KCNH5: variants seen among roughly 807,000 people sequenced by gnomAD.
The protein encoded by KCNH5 is potassium voltage-gated channel subfamily H member 5, also known as voltage-gated delayed rectifier potassium channel KCNH5.
Under a neutral mutation model 96.1 loss-of-function variants are expected in KCNH5, and 46 were observed. That is an observed-to-expected ratio of 0.48 (90% CI 0.38 to 0.61). The LOEUF is 0.61. Ranked by LOEUF, KCNH5 falls within the 20% of genes least tolerant of loss-of-function variation. The probability of loss-of-function intolerance (pLI) is 0.00; values close to 1 mark genes in which losing one functional copy is unlikely to be tolerated. For synonymous variants in KCNH5, 439 were observed against 449.8 expected, an observed-to-expected ratio of 0.98 and a Z score of 0.30; for missense variants, 907 against 1,225.8, an observed-to-expected ratio of 0.74 and a Z score of 3.88.
intron 5 of KCNH5, among the ~76,000 whole-genome samples, chr14:62,981,591 G>A (rs1350075324): frequency 6.6e-6 from 1 of 152,226 alleles, no homozygotes; most frequent in African/African-American, 2.4e-5. Context: ...CTCATGGACT[G>A]TCCAGCAGTT....
intron 7 of KCNH5, among the ~76,000 whole-genome samples, chr14:62,923,599 T>C (rs1195268865): frequency 6.6e-6 from 1 of 152,072 alleles, no homozygotes; most frequent in South Asian, 2.1e-4. Context: ...CAGAATAGTA[T>C]GGTACTGGCA....
intron 7 of KCNH5, among the ~76,000 whole-genome samples, chr14:62,926,943 C>G (rs1889487957): frequency 1.3e-5 from 2 of 152,056 alleles, no homozygotes; most frequent in Non-Finnish European, 2.9e-5. Context: ...CCCCATTTCA[C>G]ACAGAATGAC....
chr14:62,791,288 A>G (rs1042469232), intron 9 of KCNH5, among the ~76,000 whole-genome samples: 2 of 151,726 alleles, frequency 1.3e-5, no homozygotes, highest in Admixed American at 6.6e-5. Flanking sequence ...TCTAGTATGA[A>G]GGTTAAAAGT....
At chr14:63,038,257 A>C (rs1439359085) in intron 1 of KCNH5, among the ~76,000 whole-genome samples, 1 of 152,212 alleles carries the variant, frequency 6.6e-6, no homozygotes, top group Non-Finnish European at 1.5e-5. Flanking sequence ...GCATTTATTC[A>C]ACGAATACTT....
At chr14:62,803,276 A>AT (rs1321245869) in intron 8 of KCNH5, among the ~76,000 whole-genome samples, 5 of 152,148 alleles carry the variant, frequency 3.3e-5, no homozygotes, top group African/African-American at 7.2e-5. Context: ...ATGTTTCAGA[A>AT]TTTTTTTTAT....
chr14:62,931,630 A>G (rs1237010250), intron 7 of KCNH5, among the ~76,000 whole-genome samples: 1 of 152,192 alleles, frequency 6.6e-6, no homozygotes, highest in Non-Finnish European at 1.5e-5. Flanking sequence ...ATGATAATTA[A>G]CAATCTGATA....
At chr14:62,852,879 G>C (rs543437152) in intron 7 of KCNH5, among the ~76,000 whole-genome samples, 1 of 152,104 alleles carries the variant, frequency 6.6e-6, no homozygotes, top group South Asian at 2.1e-4. Context: ...ACAATAATGA[G>C]GGAAACTGAT....
chr14:62,966,048 AG>A (rs2139550181), intron 6 of KCNH5, among the ~76,000 whole-genome samples: 1 of 152,312 alleles, frequency 6.6e-6, no homozygotes, highest in South Asian at 2.1e-4. Flanking sequence ...CATCTGTAAA[AG>A]TTTTTGAGTA....
At chr14:62,751,542 AT>A (rs1339113347) in intron 10 of KCNH5, among the ~76,000 whole-genome samples, 1 of 152,158 alleles carries the variant, frequency 6.6e-6, no homozygotes, top group Non-Finnish European at 1.5e-5. Flanking sequence ...GCACTGGGCA[AT>A]CCCTCTTCCA....
At chr14:62,789,993 G>GT (rs1886398645) in intron 9 of KCNH5, among the ~76,000 whole-genome samples, 2 of 151,128 alleles carry the variant, frequency 1.3e-5, no homozygotes, top group Admixed American at 6.6e-5. Flanking sequence ...ATATCAAGGT[G>GT]TTTTTTCCTG....
chr14:62,736,513 A>G (rs528164701), intron 10 of KCNH5, among the ~76,000 whole-genome samples: 9 of 152,264 alleles, frequency 5.9e-5, no homozygotes, highest in African/African-American at 2.2e-4. Flanking sequence ...CCACCCAGAC[A>G]AAAGACATGC....
chr14:62,808,214 C>T (rs1886807672), intron 8 of KCNH5, among the ~76,000 whole-genome samples: 2 of 151,880 alleles, frequency 1.3e-5, no homozygotes, highest in South Asian at 4.2e-4. Context: ...TCTAAGAAGG[C>T]CTGGGAATGT....
At chr14:62,727,871 C>T (rs147215823) in intron 10 of KCNH5, among the ~76,000 whole-genome samples, 2 of 150,406 alleles carry the variant, frequency 1.3e-5, no homozygotes, top group East Asian at 3.9e-4. Flanking sequence ...ACTAAACAGA[C>T]TAAACGCTCT....
intron 8 of KCNH5, among the ~76,000 whole-genome samples, chr14:62,823,371 G>T (rs138300110): frequency 6.6e-6 from 1 of 151,978 alleles, no homozygotes; most frequent in Non-Finnish European, 1.5e-5. Flanking sequence ...AAGCTCATAC[G>T]TTGCCCTGAT....
chr14:62,946,296 T>C (rs1889885481), intron 7 of KCNH5, among the ~76,000 whole-genome samples: 1 of 152,144 alleles, frequency 6.6e-6, no homozygotes, highest in Non-Finnish European at 1.5e-5. Context: ...TGACTCTACA[T>C]AGATTTTATT....
At chr14:63,015,766 G>A (rs940720195) in intron 2 of KCNH5, among the ~76,000 whole-genome samples, 11 of 151,580 alleles carry the variant, frequency 7.3e-5, no homozygotes, top group African/African-American at 2.7e-4. Context: ...TGTACCCAAG[G>A]GTTTCATATC....
chr14:62,732,903 C>T (rs1469929960), intron 10 of KCNH5, among the ~76,000 whole-genome samples: 4 of 152,000 alleles, frequency 2.6e-5, no homozygotes, highest in East Asian at 3.9e-4. Flanking sequence ...CTCTCTTTCT[C>T]GTTGCCTCCC....
chr14:63,043,021 T>A (rs1891855078), intron 1 of KCNH5, among the ~76,000 whole-genome samples: 1 of 152,128 alleles, frequency 6.6e-6, no homozygotes. Flanking sequence ...AAGAAACATT[T>A]AACCAATGAA....
intron 3 of KCNH5, 112 bp from the exon 4 acceptor site, chr14:63,001,571 C>A: frequency 2.1e-6 from 2 of 957,610 alleles, no homozygotes; most frequent in Non-Finnish European, 3.1e-6. Context: ...TGCCAGGAAT[C>A]AACACCAAAA....
Sources: gnomAD v4.1 joint callset for allele counts (sites outside exome capture counted in the v4.1 genomes callset) on GRCh38, gnomAD v4.1.1 for gene constraint, MANE v1.5 for transcripts, NCBI Gene and HGNC (gene_info 2026-07-23, HGNC 2026-07-21) for gene names.